CNTN6: variants seen among roughly 807,000 people sequenced by gnomAD.
CNTN6 encodes contactin 6.
Under a neutral mutation model 122.8 loss-of-function variants are expected in CNTN6, and 137 were observed. The observed-to-expected ratio is 1.12, with a 90% CI of 0.97 to 1.29. The LOEUF (loss-of-function observed/expected upper bound fraction) is 1.29, where lower values mean the gene tolerates loss of function less well. Ranked by LOEUF, CNTN6 falls within the 50% of genes most tolerant of loss-of-function variation. CNTN6 has a pLI of 0.00. For synonymous variants in CNTN6, 570 were observed against 426.0 expected (o/e 1.34, Z -4.16); for missense variants, 1,634 against 1,223.4 (o/e 1.34, Z -5.01).
At chr3:1,271,296 A>G (rs757077267) in intron 4 of CNTN6, among the ~76,000 whole-genome samples, 11 of 152,238 alleles carry the variant, frequency 7.2e-5, no homozygotes, top group Non-Finnish European at 5.9e-5. Flanking sequence ...ACATCTTGGC[A>G]GATGAAAGCA....
intron 20 of CNTN6, among the ~76,000 whole-genome samples, chr3:1,388,048 G>T (rs1693373952): frequency 6.6e-6 from 1 of 150,412 alleles, no homozygotes; most frequent in Non-Finnish European, 1.5e-5. Flanking sequence ...CTCCAACTGG[G>T]TGGAGCCCAC....
chr3:1,142,354 G>A (rs1353743007), intron 1 of CNTN6, among the ~76,000 whole-genome samples: 1 of 152,102 alleles, frequency 6.6e-6, no homozygotes, highest in Non-Finnish European at 1.5e-5. Context: ...TCTGGGATCA[G>A]AAGCAAGTCA....
At chr3:1,145,876 G>A (rs2092713473) in intron 1 of CNTN6, among the ~76,000 whole-genome samples, 1 of 152,140 alleles carries the variant, frequency 6.6e-6, no homozygotes, top group African/African-American at 2.4e-5. Flanking sequence ...GAAATTGAAA[G>A]TGATTAAAGT....
chr3:1,102,652 C>G lies in CNTN6; in HGVS notation c.-83+9532C>G, dbSNP rs1434226864. On this transcript the variant is annotated intron_variant, in intron 1 of 22. Transcript: ENST00000446702. ...CTGAGGCAGGAGAATGGCGGGAACC[C>G]GGGGGGCGGAGCTTGCAGTGAGCAG... Among the ~76,000 whole-genome samples, 1,262 of 149,296 alleles carry G rather than the reference C, an allele frequency of 8.5e-3. 2 individuals are homozygous for G. The highest frequency in any genetic ancestry group is 0.014 in the Non-Finnish European group (948 of 66,742).
chr3:1,334,957 C>G (rs1355834055), intron 11 of CNTN6, among the ~76,000 whole-genome samples: 1 of 152,010 alleles, frequency 6.6e-6, no homozygotes, highest in Non-Finnish European at 1.5e-5. Context: ...TTGCTGAACA[C>G]CTATTATAAC....
intron 4 of CNTN6, among the ~76,000 whole-genome samples, chr3:1,269,102 T>C (rs1254996120): frequency 6.6e-6 from 1 of 152,112 alleles, no homozygotes; most frequent in East Asian, 1.9e-4. Context: ...GTACTTAACA[T>C]CTTCTACACA....
chr3:1,332,126 C>A (rs901350919), intron 11 of CNTN6, among the ~76,000 whole-genome samples: 1 of 151,890 alleles, frequency 6.6e-6, no homozygotes, highest in Non-Finnish European at 1.5e-5. Context: ...TACAAACAAG[C>A]AAATTATCTC....
chr3:1,100,702 C>T (rs1447560390), intron 1 of CNTN6, among the ~76,000 whole-genome samples: 1 of 152,006 alleles, frequency 6.6e-6, no homozygotes. Context: ...GTAATTTCTA[C>T]CAATCTGTAT....
rs371649586 is a variant in CNTN6, at chr3:1,186,843, G to GAA, written c.56-33834_56-33833dup. ...TCTTTTTTTAATAAAGGGGTTAAAA[G>GAA]AAAAAAAAAAAGAGGTAAGATAAAC... On this transcript the variant is annotated intron_variant, in intron 2 of 22. Transcript: ENST00000446702. 8.1e-3 allele frequency among the ~76,000 whole-genome samples: 1,142 copies of GAA among 140,758 alleles called. 9 individuals are homozygous for GAA. Among genetic ancestry groups the GAA allele is most frequent in the African/African-American group, 0.027 (1,050 of 38,678 alleles). The allele number at this position is 140,758 out of a possible 152,430, so 92.3% of individuals were successfully genotyped here. A position where few individuals can be genotyped will look rare whatever the true frequency, so the allele number is the denominator to read the frequency against.
intron 7 of CNTN6, among the ~76,000 whole-genome samples, chr3:1,302,391 A>AT (rs1038811672): frequency 6.6e-6 from 1 of 152,122 alleles, no homozygotes; most frequent in Non-Finnish European, 1.5e-5. Flanking sequence ...AAAATCAAAT[A>AT]TTTTTTTCTT....
At chr3:1,342,223 G>A (rs952051473) in intron 11 of CNTN6, among the ~76,000 whole-genome samples, 4 of 152,016 alleles carry the variant, frequency 2.6e-5, no homozygotes, top group African/African-American at 7.2e-5. Flanking sequence ...TCCGCCTTCC[G>A]GGTTCAAGCA....
intron 7 of CNTN6, among the ~76,000 whole-genome samples, chr3:1,316,059 T>G (rs1216389194): frequency 2.0e-5 from 3 of 151,992 alleles, no homozygotes; most frequent in Non-Finnish European, 4.4e-5. Flanking sequence ...TCTTAAAATA[T>G]TTTTATTAAT....
chr3:1,223,091 A>C (rs1271932488), intron 3 of CNTN6, among the ~76,000 whole-genome samples: 1 of 152,192 alleles, frequency 6.6e-6, no homozygotes. Flanking sequence ...TTTTTTAAAA[A>C]GCCTCACAAC....
At chr3:1,094,486 T>C (rs1220540519) in intron 1 of CNTN6, among the ~76,000 whole-genome samples, 1 of 152,188 alleles carries the variant, frequency 6.6e-6, no homozygotes, top group African/African-American at 2.4e-5. Context: ...ATATAAAGCT[T>C]TATGTGAGGT....
chr3:1,155,144 A>G (rs562645779), intron 2 of CNTN6, among the ~76,000 whole-genome samples: 1 of 152,246 alleles, frequency 6.6e-6, no homozygotes, highest in Non-Finnish European at 1.5e-5. Flanking sequence ...ACTGTTTTCA[A>G]TGAGCTCGTC....
chr3:1,301,870 C>G (rs1697486589), intron 7 of CNTN6, among the ~76,000 whole-genome samples: 1 of 152,120 alleles, frequency 6.6e-6, no homozygotes. Context: ...ATGTGAGTTA[C>G]TACCAAAAAG....
chr3:1,392,577 G>C (rs1258893677), intron 20 of CNTN6, among the ~76,000 whole-genome samples: 5 of 147,350 alleles, frequency 3.4e-5, no homozygotes, highest in Non-Finnish European at 7.6e-5. Flanking sequence ...AAACTAAAGA[G>C]CTTCTGCACA....
intron 11 of CNTN6, among the ~76,000 whole-genome samples, chr3:1,349,611 C>T (rs936207206): frequency 2.0e-5 from 3 of 151,840 alleles, no homozygotes; most frequent in African/African-American, 7.2e-5. Flanking sequence ...TTTGCCTTAT[C>T]TGAAAATGCC....
At chr3:1,304,171 G>C (rs531007324) in intron 7 of CNTN6, among the ~76,000 whole-genome samples, 2 of 152,210 alleles carry the variant, frequency 1.3e-5, no homozygotes, top group South Asian at 4.2e-4. Flanking sequence ...CCCTGATCTG[G>C]ATGGAAAGCA....
Sources: allele counts gnomAD v4.1 joint callset (sites outside exome capture counted in the v4.1 genomes callset), GRCh38; gene constraint gnomAD v4.1.1; transcripts MANE v1.5; gene names NCBI Gene and HGNC (gene_info 2026-07-23, HGNC 2026-07-21).